Variants in RANBP2 observed in about 807,000 individuals in gnomAD.
RANBP2 encodes RAN binding protein 2, also known as E3 SUMO-protein ligase RanBP2.
In RANBP2, 57 loss-of-function variants were observed where a neutral mutation model predicts 303.6. That is an observed-to-expected ratio of 0.19 (90% CI 0.15 to 0.23). RANBP2 has a LOEUF of 0.23. Ranked by LOEUF, RANBP2 falls within the 10% of genes least tolerant of loss-of-function variation. RANBP2 has a pLI of 1.00. For missense variants in RANBP2, 3,138 were observed against 3,780.8 expected (o/e 0.83, Z 4.46); for synonymous variants, 1,167 against 1,301.5 (o/e 0.90, Z 2.23).
chr2:109,698,478 T>A, the RANBP2 span, among the ~76,000 whole-genome samples: 10 of 147,798 alleles, frequency 6.8e-5, no homozygotes, highest in African/African-American at 1.9e-4. Context: ...AAAAAAAAAA[T>A]ACATAAATAA....
the RANBP2 span, among the ~76,000 whole-genome samples, chr2:108,902,607 C>T: frequency 6.6e-6 from 1 of 152,140 alleles, no homozygotes; most frequent in African/African-American, 2.4e-5. Context: ...AGACCAAGAT[C>T]TCTCATGAAT....
chr2:109,047,607 G>T, the RANBP2 span, among the ~76,000 whole-genome samples: 1 of 152,206 alleles, frequency 6.6e-6, no homozygotes, highest in African/African-American at 2.4e-5. Flanking sequence ...TCAGGAATTT[G>T]AGACCAGCCT....
the RANBP2 span, among the ~76,000 whole-genome samples, chr2:108,959,765 TGAG>T: frequency 1.2e-4 from 18 of 152,178 alleles, no homozygotes; most frequent in Non-Finnish European, 1.5e-4. Context: ...AGGAGCTTGA[TGAG>T]GAGTGCTGGC....
At chr2:109,123,930 C>A in the RANBP2 span, among the ~76,000 whole-genome samples, 13 of 152,264 alleles carry the variant, frequency 8.5e-5, no homozygotes, top group East Asian at 2.5e-3. Flanking sequence ...ATAACTGAAA[C>A]CAAGGTTCTT....
rs1370053796 is a variant in RANBP2 at position 108,726,387 on chromosome 2, G to GC, written c.73-2744dup. ...GTAGCGATGCTGGCAGTTCACATATGCAGAGAGAAGCCATATAGTGCTTCC... is the reference window on the plus strand; with the variant it reads ...GTAGCGATGCTGGCAGTTCACATATGCCAGAGAGAAGCCATATAGTGCTTCC... On this transcript the variant is annotated intron_variant, in intron 1 of 28. Transcript: ENST00000283195. 3.3e-5 allele frequency among the ~76,000 whole-genome samples: 5 copies of GC among 151,610 alleles called. No homozygotes were observed. In the South Asian group the frequency reaches 1.0e-3, roughly 32 times the overall value.
the RANBP2 span, among the ~76,000 whole-genome samples, chr2:108,887,588 A>G: frequency 6.6e-6 from 1 of 151,990 alleles, no homozygotes; most frequent in African/African-American, 2.4e-5. Context: ...GAGATTTTCC[A>G]CTTCCTTGGT....
chr2:108,986,896 A>C, the RANBP2 span, among the ~76,000 whole-genome samples: 1 of 152,160 alleles, frequency 6.6e-6, no homozygotes, highest in Non-Finnish European at 1.5e-5. Flanking sequence ...CCCCTAATTG[A>C]TCTAATGTGC....
the RANBP2 span, among the ~76,000 whole-genome samples, chr2:109,299,790 G>A: frequency 1.1e-4 from 17 of 152,156 alleles, no homozygotes; most frequent in African/African-American, 3.4e-4. Flanking sequence ...GGATGTGGCC[G>A]TGGTGTGGGC....
chr2:109,429,500 G>A, the RANBP2 span, among the ~76,000 whole-genome samples: 10 of 152,264 alleles, frequency 6.6e-5, no homozygotes, highest in South Asian at 4.1e-4. Context: ...CCTGGTGCAC[G>A]TCAGGGCAGC....
the RANBP2 span, among the ~76,000 whole-genome samples, chr2:109,319,386 A>G: frequency 6.6e-6 from 1 of 152,218 alleles, no homozygotes; most frequent in African/African-American, 2.4e-5. Context: ...CTGTGGGCTC[A>G]GTGGGGTCCC....
chr2:109,567,850 C>T, the RANBP2 span: 2 of 1,611,854 alleles, frequency 1.2e-6, no homozygotes, highest in Admixed American at 3.4e-5. Context: ...ATAGTGTCAT[C>T]ATCCGTTGGG....
At chr2:108,722,991 T>G (rs576216796) in intron 1 of RANBP2, among the ~76,000 whole-genome samples, 1 of 152,372 alleles carries the variant, frequency 6.6e-6, no homozygotes, top group African/African-American at 2.4e-5. Context: ...AGTTGATTTC[T>G]TATTCTGCAG....
At chr2:109,163,916 T>C in the RANBP2 span, among the ~76,000 whole-genome samples, 1 of 152,234 alleles carries the variant, frequency 6.6e-6, no homozygotes, top group African/African-American at 2.4e-5. Flanking sequence ...GTTTGATAGA[T>C]GGGCTAGGAC....
chr2:109,288,520 C>T, the RANBP2 span, among the ~76,000 whole-genome samples: 1 of 152,210 alleles, frequency 6.6e-6, no homozygotes. Flanking sequence ...CCCCAGGTGA[C>T]CTCTCAAAAC....
the RANBP2 span, among the ~76,000 whole-genome samples, chr2:109,418,318 T>C: frequency 6.6e-6 from 1 of 152,060 alleles, no homozygotes; most frequent in Non-Finnish European, 1.5e-5. Context: ...TCCTGAGGCT[T>C]CCAGAGCAGT....
At chr2:108,720,023 G>A in intron 1 of RANBP2, 4 of 985,274 alleles carry the variant, frequency 4.1e-6, no homozygotes, top group Non-Finnish European at 3.6e-6. Flanking sequence ...GGGGGCTTGG[G>A]CACCCGGGTG....
At chr2:109,065,525 C>T in the RANBP2 span, among the ~76,000 whole-genome samples, 1 of 152,126 alleles carries the variant, frequency 6.6e-6, no homozygotes, top group African/African-American at 2.4e-5. Flanking sequence ...CTGGATCATG[C>T]GCAGCCCCAA....
At chr2:109,240,040 G>T in the RANBP2 span, among the ~76,000 whole-genome samples, 407 of 152,298 alleles carry the variant, frequency 2.7e-3, 2 homozygotes, top group African/African-American at 9.4e-3. Context: ...TGGTGGCCGG[G>T]GCTCTGGCCC....
At chr2:109,240,930 C>A in the RANBP2 span, among the ~76,000 whole-genome samples, 1 of 150,454 alleles carries the variant, frequency 6.6e-6, no homozygotes, top group Non-Finnish European at 1.5e-5. Context: ...TCTCATGTTC[C>A]ATCTTCTTTC....
Sources: allele counts gnomAD v4.1 joint callset (sites outside exome capture counted in the v4.1 genomes callset), GRCh38; gene constraint gnomAD v4.1.1; transcripts MANE v1.5; gene names NCBI Gene and HGNC (gene_info 2026-07-23, HGNC 2026-07-21).